The following GREB1 variants were observed in gnomAD, a reference collection of about 807,000 sequenced individuals.
GREB1 encodes protein GREB1.
A neutral mutation model predicts 200.7 loss-of-function variants in GREB1; 106 were observed. The ratio of observed to expected loss-of-function variants is 0.53; its 90% CI spans 0.45 to 0.62. GREB1 has a LOEUF of 0.62. Among genes scored for constraint, GREB1 ranks in the 20% least tolerant of loss-of-function variants. The pLI is 0.00. For missense variants in GREB1, 2,243 were observed against 2,556.8 expected (o/e 0.88, Z 2.65); for synonymous variants, 1,132 against 1,092.4 (o/e 1.04, Z -0.72).
chr2:11,556,904 A>G (rs1373047722), intron 2 of GREB1, 133 bp downstream of exon 2: 1 of 688,598 alleles, frequency 1.5e-6, no homozygotes, highest in Non-Finnish European at 2.2e-6. Flanking sequence ...TAGAAAAAGA[A>G]AACTGGGTAC....
intron 1 of GREB1, among the ~76,000 whole-genome samples, chr2:11,546,234 C>T (rs1406882195): frequency 6.6e-6 from 1 of 152,010 alleles, no homozygotes; most frequent in Non-Finnish European, 1.5e-5. Context: ...GCTTTTACTT[C>T]CCACGCCCCC....
At chr2:11,626,620 C>CA (rs1684479943) in intron 24 of GREB1, among the ~76,000 whole-genome samples, 1 of 152,090 alleles carries the variant, frequency 6.6e-6, no homozygotes, top group African/African-American at 2.4e-5. Flanking sequence ...AAACAAGGGG[C>CA]AGTTCATCTG....
chr2:11,600,145 C>T (rs112162595), intron 15 of GREB1, among the ~76,000 whole-genome samples: 5,237 of 152,226 alleles, frequency 0.034, 308 homozygotes, highest in African/African-American at 0.12. Flanking sequence ...TGGGGGAAAT[C>T]GGAACATTCC....
At chr2:11,505,278 A>C (rs1673150306) in intron 1 of GREB1, among the ~76,000 whole-genome samples, 1 of 151,916 alleles carries the variant, frequency 6.6e-6, no homozygotes, top group Non-Finnish European at 1.5e-5. Context: ...AGGGGAGTGT[A>C]AGTCAGTTTC....
At chr2:11,516,784 G>A (rs1368733073) in intron 1 of GREB1, among the ~76,000 whole-genome samples, 3 of 152,222 alleles carry the variant, frequency 2.0e-5, no homozygotes, top group East Asian at 1.9e-4. Flanking sequence ...GCTGCCACAC[G>A]CAAGCAAGAA....
chr2:11,638,592 C>A, intron 31 of GREB1, 79 bp from the exon 32 acceptor site: 1 of 1,303,472 alleles, frequency 7.7e-7, no homozygotes, highest in Non-Finnish European at 1.1e-6. Flanking sequence ...TTGGTATTTA[C>A]TAGGTGCAAA....
intron 6 of GREB1, 49 bp downstream of exon 6, chr2:11,578,480 C>T (rs369176057): frequency 6.3e-7 from 1 of 1,597,392 alleles, no homozygotes; most frequent in Non-Finnish European, 8.6e-7. Context: ...AGAGCTGGCA[C>T]TGTCTCCGAT....
intron 22 of GREB1, among the ~76,000 whole-genome samples, chr2:11,620,486 A>G (rs1271799011): frequency 6.6e-6 from 1 of 152,074 alleles, no homozygotes; most frequent in Non-Finnish European, 1.5e-5. Flanking sequence ...GAGAAATACG[A>G]GAAGCATTTT....
chr2:11,606,998 G>A (rs1319806057), intron 17 of GREB1, among the ~76,000 whole-genome samples: 1 of 152,002 alleles, frequency 6.6e-6, no homozygotes, highest in Non-Finnish European at 1.5e-5. Context: ...AGCCAGGATG[G>A]TCTCGATCTC....
Position 11,571,706 on chromosome 2 carries a change from C to A in GREB1, c.455-4647C>A, listed in dbSNP as rs1015426230. Among the ~76,000 whole-genome samples, 5 of 152,026 alleles carry A rather than the reference C, an allele frequency of 3.3e-5. No homozygotes were observed. In the South Asian group the frequency reaches 6.2e-4, roughly 19 times the overall value. On this transcript the variant is annotated intron_variant, in intron 4 of 32. Coordinates refer to ENST00000381486, the MANE Select transcript of GREB1 (RefSeq NM_014668.4). Reference sequence around the variant, plus strand: ...CCAAAAACAATACCCAATTAATGAACCATGCATTTTTTTTTTCTTTTTGAG... The same window carrying A: ...CCAAAAACAATACCCAATTAATGAAACATGCATTTTTTTTTTCTTTTTGAG...
At chr2:11,639,582 C>T (rs931981661) in intron 32 of GREB1, among the ~76,000 whole-genome samples, 1 of 152,214 alleles carries the variant, frequency 6.6e-6, no homozygotes, top group Non-Finnish European at 1.5e-5. Flanking sequence ...CTTGAAAACA[C>T]GATTTCCAGT....
intron 22 of GREB1, 75 bp from the exon 23 acceptor site, chr2:11,620,830 G>A (rs1007527357): frequency 8.7e-6 from 7 of 808,942 alleles, no homozygotes; most frequent in Non-Finnish European, 1.5e-5. Flanking sequence ...CAGGAGCCAT[G>A]CCAGGTGTTC....
chr2:11,582,247 C>T (rs1351168007), intron 7 of GREB1, among the ~76,000 whole-genome samples: 1 of 152,182 alleles, frequency 6.6e-6, no homozygotes, highest in Admixed American at 6.5e-5. Flanking sequence ...CCTTGGGAAG[C>T]CTTCTGTGTG....
chr2:11,506,910 G>A (rs144633481), intron 1 of GREB1, among the ~76,000 whole-genome samples: 134 of 151,252 alleles, frequency 8.9e-4, no homozygotes, highest in Middle Eastern at 3.5e-3. Flanking sequence ...CAGGATCAAG[G>A]TTCCACCCAC....
intron 7 of GREB1, among the ~76,000 whole-genome samples, chr2:11,583,346 G>T (rs1177370854): frequency 1.3e-5 from 2 of 152,196 alleles, no homozygotes; most frequent in Non-Finnish European, 1.5e-5. Context: ...AGAGTCTAAG[G>T]CCTCATCCCT....
At chr2:11,510,776 G>GC (rs202240842) in intron 1 of GREB1, among the ~76,000 whole-genome samples, 1,634 of 147,750 alleles carry the variant, frequency 0.011, 34 homozygotes, top group African/African-American at 0.04. Flanking sequence ...TGCAACCTCC[G>GC]CCTCCTGGGT....
At chr2:11,552,826 A>G (rs572474229) in intron 1 of GREB1, among the ~76,000 whole-genome samples, 1 of 151,968 alleles carries the variant, frequency 6.6e-6, no homozygotes, top group Non-Finnish European at 1.5e-5. Flanking sequence ...CCTGGCTAAC[A>G]CGGTGAAACC....
At chr2:11,505,386 C>A (rs887214818) in intron 1 of GREB1, among the ~76,000 whole-genome samples, 1 of 152,166 alleles carries the variant, frequency 6.6e-6, no homozygotes, top group African/African-American at 2.4e-5. Context: ...ATGGTGCCTG[C>A]CAGCTCCTTC....
At position 11,597,910 on chromosome 2, in the gene GREB1, A is replaced by C; in HGVS notation, c.2084A>C (p.Asp695Ala). 6.2e-7 allele frequency: 1 copy of C among 1,614,164 alleles called. No individual in the cohort carries two copies. Among genetic ancestry groups the C allele is most frequent in the African/African-American group, 1.3e-5 (1 of 75,036 alleles). The change falls in exon 14 of 33, where the codon GAC becomes GCC. Residue 695 changes from aspartate to alanine, a missense_variant. Physicochemically the swap from Asp to Ala is moderately radical, Grantham distance 126. Around this residue, in one of 3 missense-constraint regions of GREB1, gnomAD observed 1,178 missense variants for 1,387.4 expected, o/e 0.85. Transcript: ENST00000381486. This position sits in a 1 kb window ranked among gnomAD's most constrained non-coding sequence, Gnocchi z 4.1. ...NLDLGSFEKV[D>A]FLICIPPSEV... ...GACCTGGGATCCTTTGAGAAGGTGGACTTTCTCATTTGCATTCCCCCCTCA... is the reference window on the plus strand; with the variant it reads ...GACCTGGGATCCTTTGAGAAGGTGGCCTTTCTCATTTGCATTCCCCCCTCA...
Sources: gnomAD v4.1 joint callset for allele counts (sites outside exome capture counted in the v4.1 genomes callset) on GRCh38, gnomAD v4.1.1 for gene constraint, gnomAD v4.1.1 regional missense constraint, Gnocchi (gnomAD v3.1) non-coding constraint, MANE v1.5 for transcripts, NCBI Gene and HGNC (gene_info 2026-07-23, HGNC 2026-07-21) for gene names.